Variants in MEIOC observed in about 807,000 individuals in gnomAD.
The protein encoded by MEIOC is meiosis-specific coiled-coil domain-containing protein MEIOC.
In MEIOC, 9 loss-of-function variants were observed where a neutral mutation model predicts 85.3. The ratio of observed to expected loss-of-function variants is 0.11; its 90% CI spans 0.06 to 0.18. The LOEUF (loss-of-function observed/expected upper bound fraction) is 0.18. Among genes scored for constraint, MEIOC ranks in the 10% least tolerant of loss-of-function variants. The pLI is 1.00. For synonymous variants in MEIOC, 365 were observed against 393.7 expected (o/e 0.93, Z 0.86); for missense variants, 898 against 1,129.4 (o/e 0.80, Z 2.94).
At chr17:44,668,355 T>C in intron 5 of MEIOC, 122 bp downstream of exon 5, 1 of 950,726 alleles carries the variant, frequency 1.1e-6, no homozygotes, top group Non-Finnish European at 1.5e-6. Context: ...TGTTGTTGTT[T>C]TAAAGAGACA....
chr17:44,664,423 C>A lies in MEIOC; in HGVS notation c.360-961C>A, dbSNP rs376639380. 3.4e-4 allele frequency among the ~76,000 whole-genome samples: 51 copies of A among 152,132 alleles called. No homozygotes were observed. In the East Asian group the frequency reaches 5.6e-3, roughly 17 times the overall value. On this transcript the variant is annotated intron_variant, in intron 3 of 7. Transcript: ENST00000409122. ...ACAAATAGATGTACAGGTTGAGCATCCCAATCTGAAAATCCGAAATCCAGA... is the reference window on the plus strand; with the variant it reads ...ACAAATAGATGTACAGGTTGAGCATACCAATCTGAAAATCCGAAATCCAGA...
intron 6 of MEIOC, among the ~76,000 whole-genome samples, chr17:44,672,838 T>C (rs1389468236): frequency 6.6e-6 from 1 of 152,214 alleles, no homozygotes; most frequent in Admixed American, 6.5e-5. Context: ...TAAATTTAAA[T>C]CAGTATTTTC....
intron 3 of MEIOC, among the ~76,000 whole-genome samples, chr17:44,663,266 T>A (rs1269209847): frequency 2.3e-5 from 3 of 128,110 alleles, no homozygotes; most frequent in Non-Finnish European, 5.0e-5. Context: ...GCCTTTATAA[T>A]CTTGATGATG....
Position 44,666,951 on chromosome 17 carries a change from T to C in MEIOC, c.1040T>C (p.Val347Ala). Residue 347 changes from valine to alanine, a missense_variant, in exon 5 of 8, where the codon GTC (valine) becomes GCC (alanine). Val to Ala is a moderately conservative substitution (Grantham distance 64). Coordinates refer to ENST00000409122, the MANE Select transcript of MEIOC (RefSeq NM_001145080.3). ...CTTAATAAATGTTCAAATTTTAGTG[T>C]CCAAGATAGCAAAAAATTAGCCAAT... ...AKLNKCSNFS[V>A]QDSKKLANGT... is the part of the protein sequence containing the mutation. 1 of 1,611,484 alleles carries C rather than the reference T, an allele frequency of 6.2e-7. No individual in the cohort carries two copies. The highest frequency in any genetic ancestry group is 8.5e-7 in the Non-Finnish European group (1 of 1,178,588).
In MEIOC at chr17:44,674,647, G is replaced by A. The variant is rs1202447541; in HGVS notation, c.*451G>A. On this transcript the variant is annotated 3_prime_UTR_variant, in exon 8 of 8. Transcript: ENST00000409122. The stretch of plus-strand genomic sequence containing the variant: ...GACAAGTTTTGATTGTGATATCAAA[G>A]TGTTTTCCTTACAAAACTGGATAAT... 1 of 987,206 alleles carries A rather than the reference G, an allele frequency of 1.0e-6. No individual in the cohort carries two copies. Among genetic ancestry groups the A allele is most frequent in the African/African-American group, 1.7e-5 (1 of 57,212 alleles). 61.2% of individuals were successfully genotyped at this position (987,206 alleles called of 1,614,324 possible).
chr17:44,666,599 T>G lies in MEIOC; in HGVS notation c.688T>G (p.Leu230Val), dbSNP rs993844583. 2.5e-6 allele frequency: 4 copies of G among 1,611,034 alleles called. No individual in the cohort carries two copies. In the South Asian group the frequency reaches 4.4e-5, roughly 18 times the overall value. ...IDELHHGFTG[L>V]DLEEQWMYPS... ...TGAACTTCATCATGGATTTACTGGT[T>G]TAGATCTTGAAGAACAATGGATGTA... Residue 230 changes from leucine (L) to valine (V), a missense_variant, in exon 5 of 8, where the codon TTA (leucine) becomes GTA (valine). By Grantham distance (32) the Leu-to-Val change is conservative (BLOSUM62 1). Around this residue, in one of 2 missense-constraint regions of MEIOC, gnomAD observed 734 missense variants for 860.1 expected, o/e 0.85. Coordinates refer to ENST00000409122, the MANE Select transcript of MEIOC (RefSeq NM_001145080.3).
At position 44,667,864 on chromosome 17, in the gene MEIOC, T is replaced by C; in HGVS notation, c.1953T>C (p.Gly651=). 1.2e-6 allele frequency: 2 copies of C among 1,613,828 alleles called. No individual in the cohort carries two copies. Among genetic ancestry groups the C allele is most frequent in the Non-Finnish European group, 1.7e-6 (2 of 1,179,848 alleles). Residue 651 remains glycine (G), a synonymous_variant, in exon 5 of 8, where the codon GGT becomes GGC. Coordinates refer to ENST00000409122, the MANE Select transcript of MEIOC (RefSeq NM_001145080.3). ...ATTCTAATAGCCACAGAACGAGAGG[T>C]GGAGACAATAGCCGTGTGAATCGCA... is the stretch of plus-strand genomic sequence containing the variant. The part of the protein sequence containing the change: ...QGHSNSHRTR[G]GDNSRVNRTQ...
At chr17:44,659,955 A>G (rs1322492193) in intron 2 of MEIOC, among the ~76,000 whole-genome samples, 1 of 152,196 alleles carries the variant, frequency 6.6e-6, no homozygotes, top group African/African-American at 2.4e-5. Context: ...CATAATATAA[A>G]CTATAAACAG....
chr17:44,674,807 C>G lies in MEIOC; in HGVS notation c.*611C>G, dbSNP rs189504691. 1 of 984,116 alleles carries G rather than the reference C, an allele frequency of 1.0e-6. No individual in the cohort carries two copies. Among genetic ancestry groups the G allele is most frequent in the African/African-American group, 1.7e-5 (1 of 57,154 alleles). 61.0% of individuals were successfully genotyped at this position (984,116 alleles called of 1,614,324 possible). A position where few individuals can be genotyped will look rare whatever the true frequency, so the allele number is the denominator to read the frequency against. ...TATGGAGGGAAATGCATCTGATTCT[C>G]CTAAATTAATGATAAAAGTGTCAGT... On this transcript the variant is annotated 3_prime_UTR_variant, in exon 8 of 8. Coordinates refer to ENST00000409122, the MANE Select transcript of MEIOC (RefSeq NM_001145080.3).
At chr17:44,671,604 A>G (rs909915530) in intron 6 of MEIOC, among the ~76,000 whole-genome samples, 1 of 150,476 alleles carries the variant, frequency 6.6e-6, no homozygotes, top group Non-Finnish European at 1.5e-5. Context: ...TCATTAACAG[A>G]GGATTTTAAA....
chr17:44,663,068 GT>G (rs1971860970), intron 3 of MEIOC, among the ~76,000 whole-genome samples: 1 of 152,132 alleles, frequency 6.6e-6, no homozygotes, highest in South Asian at 2.1e-4. Flanking sequence ...ACTTTTAGAT[GT>G]TTTTGTCATC....
chr17:44,672,403 C>T (rs940922504), intron 6 of MEIOC, among the ~76,000 whole-genome samples: 1 of 152,116 alleles, frequency 6.6e-6, no homozygotes, highest in Non-Finnish European at 1.5e-5. Flanking sequence ...AAGGATCTGG[C>T]TGATACACAG....
At chr17:44,657,815 A>C (rs953580928) in intron 2 of MEIOC, among the ~76,000 whole-genome samples, 2 of 150,998 alleles carry the variant, frequency 1.3e-5, no homozygotes, top group Non-Finnish European at 2.9e-5. Context: ...GGCCTCCCAA[A>C]GTGCTGGGAT....
chr17:44,673,912 G>GT, intron 7 of MEIOC, 64 bp from the exon 8 acceptor site: 1 of 1,506,030 alleles, frequency 6.6e-7, no homozygotes, highest in Middle Eastern at 1.7e-4. Flanking sequence ...ACTGGGTTTT[G>GT]TAAGATTTAA....
At position 44,666,955 on chromosome 17, in the gene MEIOC, A is replaced by C. The variant is rs368299123; in HGVS notation, c.1044A>C (p.Gln348His). 5.0e-6 allele frequency: 8 copies of C among 1,611,844 alleles called. No homozygotes were observed. The highest frequency in any genetic ancestry group is 5.9e-6 in the Non-Finnish European group (7 of 1,178,864). Residue 348 changes from glutamine to histidine, a missense_variant, in exon 5 of 8, where the codon CAA becomes CAC. Physicochemically the swap from Gln to His is conservative, Grantham distance 24. Coordinates refer to ENST00000409122, the MANE Select transcript of MEIOC (RefSeq NM_001145080.3). The part of the protein sequence containing the change: ...KLNKCSNFSV[Q>H]DSKKLANGTP... ...ATAAATGTTCAAATTTTAGTGTCCA[A>C]GATAGCAAAAAATTAGCCAATGGCA...
chr17:44,669,150 C>T (rs1971959902), intron 5 of MEIOC, among the ~76,000 whole-genome samples: 1 of 152,062 alleles, frequency 6.6e-6, no homozygotes, highest in Admixed American at 6.6e-5. Context: ...TTACAGTGAG[C>T]CGAGACTGCA....
In MEIOC at chr17:44,674,191, C is replaced by T; in HGVS notation, c.2854C>T (p.His952Tyr). The T allele has an allele frequency of 6.5e-7, 1 of 1,546,042 alleles. No individual in the cohort carries two copies. Among genetic ancestry groups the T allele is most frequent in the Non-Finnish European group, 8.7e-7 (1 of 1,143,566 alleles). Residue 952 changes from histidine (H) to tyrosine (Y), a missense_variant, in exon 8 of 8, where the codon CAT (histidine) becomes TAT (tyrosine). His to Tyr is a moderately conservative substitution (Grantham distance 83). Coordinates refer to ENST00000409122, the MANE Select transcript of MEIOC (RefSeq NM_001145080.3). ...PMNQRGETNK[H>Y] ...GAACCAGAGAGGTGAAACAAACAAA[C>T]ATTAAGGAAATGCCAGCAGAAAGAA... is the stretch of plus-strand genomic sequence containing the variant.
chr17:44,669,332 C>A, intron 5 of MEIOC, 51 bp from the exon 6 acceptor site: 1 of 1,401,218 alleles, frequency 7.1e-7, no homozygotes, highest in South Asian at 1.3e-5. Context: ...TATTCATGGT[C>A]GAATCATATT....
chr17:44,675,770 CA>C lies in MEIOC; in HGVS notation c.*1575del. The C allele has an allele frequency of 1.0e-6, 1 of 955,942 alleles. No individual in the cohort carries two copies. Among genetic ancestry groups the C allele is most frequent in the Non-Finnish European group, 1.2e-6 (1 of 803,176 alleles). The allele number at this position is 955,942 out of a possible 1,614,324, so 59.2% of individuals were successfully genotyped here. On this transcript the variant is annotated 3_prime_UTR_variant, in exon 8 of 8. Coordinates refer to ENST00000409122, the MANE Select transcript of MEIOC (RefSeq NM_001145080.3). ...ACAAATACTGTACTGAATTTAGTCT[CA>C]GGAAAAAAATAAATTACTTTGTTGA...
Sources: gnomAD v4.1 joint callset for allele counts (sites outside exome capture counted in the v4.1 genomes callset) on GRCh38, gnomAD v4.1.1 for gene constraint, gnomAD v4.1.1 regional missense constraint, MANE v1.5 for transcripts, NCBI Gene and HGNC (gene_info 2026-07-23, HGNC 2026-07-21) for gene names.